Variants in RERE observed in about 807,000 individuals in gnomAD.
RERE encodes arginine-glutamic acid dipeptide repeats, also known as arginine-glutamic acid dipeptide repeats protein.
A neutral mutation model predicts 146.1 loss-of-function variants in RERE; 40 were observed. The observed-to-expected ratio is 0.27, with a 90% CI of 0.21 to 0.36. The LOEUF (loss-of-function observed/expected upper bound fraction) is 0.36. RERE is among the 10% of genes least tolerant of loss of function. RERE has a pLI of 1.00. For missense variants in RERE, 1,933 were observed against 2,138.7 expected, an observed-to-expected ratio of 0.90 and a Z score of 1.90; for synonymous variants, 1,003 against 866.0, an observed-to-expected ratio of 1.16 and a Z score of -2.78.
chr1:8,386,020 A>ATTTTTTTTTTTTTTTT (rs1557603339), intron 12 of RERE, among the ~76,000 whole-genome samples: 1 of 36,698 alleles, frequency 2.7e-5, no homozygotes, highest in Non-Finnish European at 4.5e-5. Context: ...ATATATATAT[A>ATTTTTTTTTTTTTTTT]TATTTTTTTT....
intron 1 of RERE, among the ~76,000 whole-genome samples, chr1:8,736,601 A>C (rs1640202448): frequency 6.6e-6 from 1 of 152,144 alleles, no homozygotes; most frequent in African/African-American, 2.4e-5. Flanking sequence ...ACAATCCCCA[A>C]ATTTCAAAAA....
chr1:8,437,915 C>T (rs543592878), intron 11 of RERE, among the ~76,000 whole-genome samples: 1 of 150,222 alleles, frequency 6.7e-6, no homozygotes, highest in South Asian at 2.1e-4. Context: ...CCTTTTCATC[C>T]TCGTTTGTGA....
At chr1:8,448,593 C>T (rs537725525) in intron 11 of RERE, among the ~76,000 whole-genome samples, 2 of 152,082 alleles carry the variant, frequency 1.3e-5, no homozygotes, top group African/African-American at 4.8e-5. Context: ...TCCATCTCTA[C>T]TAAAAACATA....
intron 15 of RERE, among the ~76,000 whole-genome samples, chr1:8,363,450 A>G (rs10779702): frequency 0.72 from 110,215 of 152,030 alleles, 40,546 homozygotes; most frequent in East Asian, 0.91. Context: ...CAGCAGCCTC[A>G]ACGGCATACA....
chr1:8,675,016 GCAAA>G (rs940149376), intron 1 of RERE, among the ~76,000 whole-genome samples: 11 of 152,170 alleles, frequency 7.2e-5, no homozygotes, highest in Non-Finnish European at 1.6e-4. Context: ...TCTCACTTCA[GCAAA>G]CAGAGGTCTT....
chr1:8,553,312 G>T (rs534562810), intron 6 of RERE, among the ~76,000 whole-genome samples: 1 of 144,718 alleles, frequency 6.9e-6, no homozygotes, highest in Non-Finnish European at 1.5e-5. Context: ...AGGCCGGCAC[G>T]TCCACACACT....
intron 10 of RERE, among the ~76,000 whole-genome samples, chr1:8,490,703 T>A (rs1264261928): frequency 6.7e-6 from 1 of 150,288 alleles, no homozygotes; most frequent in Admixed American, 6.6e-5. Flanking sequence ...TCCATTCCTG[T>A]AACATTCCGC....
At chr1:8,412,352 G>C (rs560444264) in intron 12 of RERE, among the ~76,000 whole-genome samples, 2 of 152,284 alleles carry the variant, frequency 1.3e-5, no homozygotes, top group South Asian at 4.1e-4. Context: ...CTGTTTTCAA[G>C]ATAATAAAAT....
chr1:8,700,178 G>A (rs930214288), intron 1 of RERE, among the ~76,000 whole-genome samples: 3 of 151,940 alleles, frequency 2.0e-5, no homozygotes, highest in African/African-American at 4.8e-5. Flanking sequence ...GGTGGCACAC[G>A]CTTGTAGTCC....
chr1:8,797,179 G>C (rs1641492272), intron 1 of RERE, among the ~76,000 whole-genome samples: 1 of 152,058 alleles, frequency 6.6e-6, no homozygotes, highest in African/African-American at 2.4e-5. Flanking sequence ...TTCAAGACCA[G>C]CCTGGGCAAC....
chr1:8,475,977 T>C (rs1463974979), intron 10 of RERE, among the ~76,000 whole-genome samples: 1 of 152,156 alleles, frequency 6.6e-6, no homozygotes, highest in Non-Finnish European at 1.5e-5. Flanking sequence ...CTGCAGAGGG[T>C]AGGGCTTGAG....
intron 10 of RERE, among the ~76,000 whole-genome samples, chr1:8,470,944 G>A (rs771406140): frequency 2.2e-5 from 3 of 134,948 alleles, no homozygotes; most frequent in Non-Finnish European, 3.1e-5. Context: ...TCAGCCTCCC[G>A]AGTACCTGGG....
chr1:8,402,899 T>C (rs1643312990), intron 12 of RERE, among the ~76,000 whole-genome samples: 1 of 152,152 alleles, frequency 6.6e-6, no homozygotes, highest in East Asian at 1.9e-4. Flanking sequence ...AATGATCCAG[T>C]TTCTTTCGCT....
chr1:8,452,645 A>G (rs1644402510), intron 11 of RERE, among the ~76,000 whole-genome samples: 1 of 152,252 alleles, frequency 6.6e-6, no homozygotes, highest in African/African-American at 2.4e-5. Flanking sequence ...AGGAAGAATT[A>G]TGAGAGCAAA....
At chr1:8,600,171 C>T (rs1646604236) in intron 4 of RERE, among the ~76,000 whole-genome samples, 3 of 152,158 alleles carry the variant, frequency 2.0e-5, no homozygotes, top group African/African-American at 7.2e-5. Flanking sequence ...TTTGCTTCTC[C>T]TTTGCCTTCC....
chr1:8,400,315 A>C (rs1285890611), intron 12 of RERE, among the ~76,000 whole-genome samples: 1 of 151,340 alleles, frequency 6.6e-6, no homozygotes, highest in African/African-American at 2.4e-5. Flanking sequence ...GTGCAGAGGT[A>C]TGATCATAGC....
intron 12 of RERE, among the ~76,000 whole-genome samples, chr1:8,371,406 A>G (rs1450483301): frequency 6.6e-6 from 1 of 152,190 alleles, no homozygotes; most frequent in Non-Finnish European, 1.5e-5. Context: ...CCACAAAAAG[A>G]AAAACAAGGG....
chr1:8,713,914 C>T lies in RERE; in HGVS notation c.-144-57473G>A, dbSNP rs1639715876. Among the ~76,000 whole-genome samples, 3 of 152,150 alleles carry T rather than the reference C, an allele frequency of 2.0e-5. No individual in the cohort carries two copies. In the South Asian group the frequency reaches 6.2e-4, roughly 32 times the overall value. ...AATGAGGCTTTTTCATGGTGGACTCCATTTTAAATGGAATTAAACGTTATA... is the reference window on the plus strand; with the variant it reads ...AATGAGGCTTTTTCATGGTGGACTCTATTTTAAATGGAATTAAACGTTATA... On this transcript the variant is annotated intron_variant, in intron 1 of 22. Coordinates refer to ENST00000400908, the MANE Select transcript of RERE (RefSeq NM_001042681.2).
At chr1:8,779,276 C>T (rs1641123103) in intron 1 of RERE, among the ~76,000 whole-genome samples, 1 of 151,132 alleles carries the variant, frequency 6.6e-6, no homozygotes, top group Non-Finnish European at 1.5e-5. Flanking sequence ...ACCTGTAATC[C>T]CAGCAGTTTG....
Sources: allele counts gnomAD v4.1 joint callset (sites outside exome capture counted in the v4.1 genomes callset), GRCh38; gene constraint gnomAD v4.1.1; transcripts MANE v1.5; gene names NCBI Gene and HGNC (gene_info 2026-07-23, HGNC 2026-07-21).